The following BTBD3 variants were observed in gnomAD, a reference collection of about 807,000 sequenced individuals.
BTBD3 encodes BTB domain containing 3.
Under a neutral mutation model 41.6 loss-of-function variants are expected in BTBD3, and 14 were observed. The ratio of observed to expected loss-of-function variants is 0.34; its 90% CI spans 0.22 to 0.53. The LOEUF (loss-of-function observed/expected upper bound fraction) is 0.53. BTBD3 is among the 20% of genes least tolerant of loss of function. The pLI, the probability that BTBD3 is intolerant of heterozygous loss-of-function variation, is 0.95. For synonymous variants in BTBD3, 249 were observed against 233.7 expected, an observed-to-expected ratio of 1.07 and a Z score of -0.60; for missense variants, 426 against 654.7, an observed-to-expected ratio of 0.65 and a Z score of 3.81.
chr20:11,923,835 G>A lies in BTBD3; in HGVS notation c.*169G>A, dbSNP rs1018671808. 1.6e-6 allele frequency: 1 copy of A among 633,254 alleles called. No homozygotes were observed. The highest frequency in any genetic ancestry group is 1.8e-5 in the African/African-American group (1 of 54,482). The allele number at this position is 633,254 out of a possible 1,614,324, so 39.2% of individuals were successfully genotyped here. A position where few individuals can be genotyped will look rare whatever the true frequency, so the allele number is the denominator to read the frequency against. On this transcript the variant is annotated 3_prime_UTR_variant, in exon 4 of 4. Transcript: ENST00000378226. The surrounding 1 kb of genome is among the most constrained non-coding windows in gnomAD (Gnocchi z 5.3). ...CTTTTAATTATGTACAGGCAAAAAT[G>A]CAGCATTCCGCTTTTAACTATCTGC... is the stretch of plus-strand genomic sequence containing the variant.
At chr20:11,893,978 A>G (rs1409033039) in intron 1 of BTBD3, among the ~76,000 whole-genome samples, 1 of 152,364 alleles carries the variant, frequency 6.6e-6, no homozygotes, top group South Asian at 2.1e-4. Context: ...ACCCAAGTTT[A>G]TTGAACTAGT....
intron 2 of BTBD3, 164 bp from the exon 3 acceptor site, chr20:11,919,554 T>C (rs924192873): frequency 2.6e-5 from 29 of 1,129,740 alleles, no homozygotes; most frequent in East Asian, 2.1e-4. Flanking sequence ...CATGGTCTTA[T>C]GCTTCCATGG....
intron 1 of BTBD3, among the ~76,000 whole-genome samples, chr20:11,906,064 T>A (rs1187005311): frequency 1.3e-5 from 2 of 152,032 alleles, no homozygotes; most frequent in Non-Finnish European, 2.9e-5. Flanking sequence ...CAGATTTATT[T>A]ATTTATTTAT....
intron 3 of BTBD3, 143 bp downstream of exon 3, chr20:11,919,979 G>A (rs909301888): frequency 5.3e-5 from 38 of 717,346 alleles, no homozygotes; most frequent in Admixed American, 4.3e-4. Flanking sequence ...AAATGTTTTC[G>A]GAAAAGAACA....
At chr20:11,897,903 A>G (rs1349056105) in intron 1 of BTBD3, among the ~76,000 whole-genome samples, 1 of 152,210 alleles carries the variant, frequency 6.6e-6, no homozygotes, top group African/African-American at 2.4e-5. Flanking sequence ...TCACGCCTGT[A>G]ATCCAGCACT....
intron 3 of BTBD3, among the ~76,000 whole-genome samples, chr20:11,921,863 T>G (rs992965677): frequency 1.3e-5 from 2 of 152,224 alleles, no homozygotes; most frequent in African/African-American, 2.4e-5. Flanking sequence ...CGTGCCTCTT[T>G]GGGAGACTGC....
At chr20:11,898,368 C>T (rs993910471) in intron 1 of BTBD3, among the ~76,000 whole-genome samples, 12 of 152,150 alleles carry the variant, frequency 7.9e-5, no homozygotes, top group Non-Finnish European at 1.6e-4. Flanking sequence ...CCTACCCCCC[C>T]AGCCACCTCT....
chr20:11,904,274 A>G (rs1340316060), intron 1 of BTBD3, among the ~76,000 whole-genome samples: 1 of 152,208 alleles, frequency 6.6e-6, no homozygotes, highest in Non-Finnish European at 1.5e-5. Context: ...GGAAGCAAGT[A>G]CATCTTCACG....
intron 1 of BTBD3, among the ~76,000 whole-genome samples, chr20:11,901,479 C>G (rs1464040865): frequency 6.6e-6 from 1 of 152,202 alleles, no homozygotes; most frequent in African/African-American, 2.4e-5. Flanking sequence ...TCATGGTGGA[C>G]TTCCTTACCC....
chr20:11,918,501 A>G lies in BTBD3; in HGVS notation c.226A>G (p.Ser76Gly). 8.1e-6 allele frequency: 13 copies of G among 1,614,218 alleles called. No individual in the cohort carries two copies. The highest frequency in any genetic ancestry group is 1.1e-5 in the Non-Finnish European group (13 of 1,180,012). ...IFPRKKPANS[S>G]STSVQQYHQQ... Reference sequence around the variant, plus strand: ...CCCCCGTAAAAAGCCAGCCAACTCCAGCAGCACCAGCGTCCAGCAGTACCA... The same window carrying G: ...CCCCCGTAAAAAGCCAGCCAACTCCGGCAGCACCAGCGTCCAGCAGTACCA... Residue 76 changes from serine to glycine, a missense_variant, in exon 1 of 4, where the codon AGC (serine) becomes GGC (glycine). By Grantham distance (56) the Ser-to-Gly change is moderately conservative. Around this residue, in one of 3 missense-constraint regions of BTBD3, gnomAD observed 52 missense variants for 45.1 expected, o/e 1.15. Transcript: ENST00000378226.
At chr20:11,922,550 C>A (rs2056979660) in intron 3 of BTBD3, 84 bp from the exon 4 acceptor site, 1 of 1,268,164 alleles carries the variant, frequency 7.9e-7, no homozygotes, top group Non-Finnish European at 1.1e-6. Flanking sequence ...GTTCTCAGAA[C>A]AAACTTGAAA....
At chr20:11,914,788 A>C (rs151263330), upstream of BTBD3, among the ~76,000 whole-genome samples, 1 of 152,162 alleles carries the variant, frequency 6.6e-6, no homozygotes, top group African/African-American at 2.4e-5. Context: ...AGAAAATATC[A>C]GAGTGTATAT....
At chr20:11,920,095 T>G in intron 3 of BTBD3, among the ~76,000 whole-genome samples, 1 of 152,224 alleles carries the variant, frequency 6.6e-6, no homozygotes, top group East Asian at 1.9e-4. Context: ...TTTTAACAAC[T>G]TAAAATTAAA....
In BTBD3 at chr20:11,922,907, A is replaced by G. The variant is rs1256230647; in HGVS notation, c.810A>G (p.Glu270=). ...GFCDIDFQTL[E]SILRRETLNA... Reference sequence around the variant, plus strand: ...GCGATATTGACTTCCAGACACTAGAAAGTATTCTCCGTAGGGAAACTCTGA... The same window carrying G: ...GCGATATTGACTTCCAGACACTAGAGAGTATTCTCCGTAGGGAAACTCTGA... Residue 270 remains glutamate (E), a synonymous_variant, in exon 4 of 4, where the codon GAA becomes GAG. Transcript: ENST00000378226. 3.1e-6 allele frequency: 5 copies of G among 1,614,134 alleles called. No individual in the cohort carries two copies. The highest frequency in any genetic ancestry group is 4.2e-6 in the Non-Finnish European group (5 of 1,180,058).
At chr20:11,919,251 G>T in intron 2 of BTBD3, 75 bp downstream of exon 2, 1 of 1,446,718 alleles carries the variant, frequency 6.9e-7, no homozygotes. Context: ...CTGTAACTTG[G>T]TGTGGGCAGC....
intron 2 of BTBD3, 170 bp from the exon 3 acceptor site, chr20:11,919,548 G>C: frequency 8.9e-7 from 1 of 1,128,246 alleles, no homozygotes; most frequent in Non-Finnish European, 1.2e-6. Context: ...TAGCAGCATG[G>C]TCTTATGCTT....
intron 1 of BTBD3, among the ~76,000 whole-genome samples, chr20:11,898,726 GTGGATCTAACGT>G (rs1216186317): frequency 2.0e-5 from 3 of 152,136 alleles, no homozygotes; most frequent in African/African-American, 7.2e-5. Context: ...TTTAGCATTT[GTGGATCTAACGT>G]TGACTTATCC....
chr20:11,911,381 T>G (rs2056888644), intron 1 of BTBD3, among the ~76,000 whole-genome samples: 1 of 152,204 alleles, frequency 6.6e-6, no homozygotes, highest in African/African-American at 2.4e-5. Context: ...TATACAGATT[T>G]TTTAAATCCT....
intron 1 of BTBD3, among the ~76,000 whole-genome samples, chr20:11,907,172 T>C (rs1436664440): frequency 6.6e-6 from 1 of 152,164 alleles, no homozygotes; most frequent in Non-Finnish European, 1.5e-5. Flanking sequence ...TTTTAGACTT[T>C]TAATGTAGTG....
Sources: gnomAD v4.1 joint callset for allele counts (sites outside exome capture counted in the v4.1 genomes callset) on GRCh38, gnomAD v4.1.1 for gene constraint, gnomAD v4.1.1 regional missense constraint, Gnocchi (gnomAD v3.1) non-coding constraint, MANE v1.5 for transcripts, NCBI Gene and HGNC (gene_info 2026-07-23, HGNC 2026-07-21) for gene names.